The following EPAS1 variants were observed in gnomAD, a reference collection of about 807,000 sequenced individuals.
EPAS1 encodes endothelial PAS domain protein 1.
Under a neutral mutation model 87.9 loss-of-function variants are expected in EPAS1, and 23 were observed. The ratio of observed to expected loss-of-function variants is 0.26; its 90% CI spans 0.19 to 0.37. The LOEUF is 0.37. Ranked by LOEUF, EPAS1 falls within the 10% of genes least tolerant of loss-of-function variation. The pLI, the probability that EPAS1 is intolerant of heterozygous loss-of-function variation, is 1.00. For synonymous variants in EPAS1, 508 were observed against 444.3 expected (o/e 1.14, Z -1.80); for missense variants, 1,138 against 1,120.7 (o/e 1.02, Z -0.22).
In EPAS1 at chr2:46,346,148, C is replaced by T. The variant is rs768080235; in HGVS notation, c.27-725C>T. ...CTTCTAAAAGAGGCAGGCTTCAGTG[C>T]GTGTCATCTTTCGTTCCATCCTGCA... On this transcript the variant is annotated intron_variant, in intron 1 of 15. Coordinates refer to ENST00000263734, the MANE Select transcript of EPAS1 (RefSeq NM_001430.5). This position sits in a 1 kb window ranked among gnomAD's most constrained non-coding sequence, Gnocchi z 4.0. 1.3e-5 allele frequency among the ~76,000 whole-genome samples: 2 copies of T among 152,206 alleles called. No homozygotes were observed. The highest frequency in any genetic ancestry group is 2.4e-5 in the African/African-American group (1 of 41,456).
intron 6 of EPAS1, among the ~76,000 whole-genome samples, chr2:46,363,507 A>G (rs1441202934): frequency 2.0e-5 from 3 of 152,216 alleles, no homozygotes; most frequent in Non-Finnish European, 4.4e-5. Flanking sequence ...CTTGGTTTAA[A>G]TGAGTTTCAG....
intron 1 of EPAS1, among the ~76,000 whole-genome samples, chr2:46,314,730 G>A (rs962348846): frequency 6.6e-6 from 1 of 152,216 alleles, no homozygotes; most frequent in African/African-American, 2.4e-5. Context: ...AAGATGATTG[G>A]TCGGGAGCTG....
At chr2:46,312,512 A>G (rs753987676) in intron 1 of EPAS1, among the ~76,000 whole-genome samples, 52 of 152,194 alleles carry the variant, frequency 3.4e-4, no homozygotes, top group Non-Finnish European at 6.5e-4. Flanking sequence ...ATCTCAATAG[A>G]ACTTTGAAAA....
chr2:46,351,976 C>T (rs182524381), intron 2 of EPAS1, among the ~76,000 whole-genome samples: 105 of 152,346 alleles, frequency 6.9e-4, no homozygotes, highest in Non-Finnish European at 9.7e-4. Flanking sequence ...TCCAAAACCT[C>T]AGCCCGCGCA....
chr2:46,367,918 C>A (rs1684536807), intron 6 of EPAS1, among the ~76,000 whole-genome samples: 1 of 152,062 alleles, frequency 6.6e-6, no homozygotes, highest in South Asian at 2.1e-4. Context: ...TGTGCGCGTG[C>A]ATGTGTGCGC....
rs534167292 is a variant in EPAS1 at position 46,354,742 on chromosome 2, T to C, written c.218-1409T>C. 1.1e-4 allele frequency among the ~76,000 whole-genome samples: 16 copies of C among 152,160 alleles called. No individual in the cohort carries two copies. In the South Asian group the frequency reaches 3.1e-3, roughly 30 times the overall value. ...TGCCAGACTAATCTCCCCAAAGCAG[T>C]GCTTTGAGATGCACTCCTCTGATCA... On this transcript the variant is annotated intron_variant, in intron 2 of 15. Coordinates refer to ENST00000263734, the MANE Select transcript of EPAS1 (RefSeq NM_001430.5).
At position 46,375,880 on chromosome 2, in the gene EPAS1, G is replaced by C. The variant is rs761625926; in HGVS notation, c.1034+43G>C. ...GGCGGGCCTTGGTGCAGGGTATGTG[G>C]GGGTGCCCAAGCTTCCCAGACTCAG... On this transcript the variant is annotated intron_variant, in intron 8 of 15. Transcript: ENST00000263734. This position sits in a 1 kb window ranked among gnomAD's most constrained non-coding sequence, Gnocchi z 4.1. The C allele has an allele frequency of 6.2e-7, 1 of 1,613,552 alleles. No homozygotes were observed. The highest frequency in any genetic ancestry group is 8.5e-7 in the Non-Finnish European group (1 of 1,179,918).
rs1316696402 is a variant in EPAS1, at chr2:46,381,725, G to A, written c.2172+3G>A. 5 of 1,613,626 alleles carry A rather than the reference G, an allele frequency of 3.1e-6. No individual in the cohort carries two copies. In the African/African-American group the frequency reaches 4.0e-5, roughly 13 times the overall value. On this transcript the variant is annotated splice_donor_region_variant and intron_variant, in intron 13 of 15. Coordinates refer to ENST00000263734, the MANE Select transcript of EPAS1 (RefSeq NM_001430.5). ...AAGCCTTCCAGGACCTGAGCGGGGT[G>A]AGTCATCCCCACTGGCCACAGGGGC...
At position 46,368,604 on chromosome 2, in the gene EPAS1, G is replaced by A. The variant is rs1026314505; in HGVS notation, c.780-1223G>A. Among the ~76,000 whole-genome samples the A allele has an allele frequency of 2.6e-5, 4 of 152,258 alleles. No homozygotes were observed. In the South Asian group the frequency reaches 6.2e-4, roughly 24 times the overall value. On this transcript the variant is annotated intron_variant, in intron 6 of 15. Coordinates refer to ENST00000263734, the MANE Select transcript of EPAS1 (RefSeq NM_001430.5). ...GCAAGTTGACCTGTTTGGGGGGTGG[G>A]TTTAGAGCAGAGACAGGAAATGAGG...
intron 1 of EPAS1, among the ~76,000 whole-genome samples, chr2:46,337,703 A>G (rs1683821643): frequency 6.6e-6 from 1 of 152,164 alleles, no homozygotes; most frequent in Non-Finnish European, 1.5e-5. Context: ...TGATGGGTAG[A>G]AGCCCTAAGG....
Position 46,331,391 on chromosome 2 carries a change from G to C in EPAS1, c.27-15482G>C, listed in dbSNP as rs375418933. ...GACCAGATGTGATTTAAATTCCAAG[G>C]AGCCATACTTTTTACAAAAATGCTA... On this transcript the variant is annotated intron_variant, in intron 1 of 15. Transcript: ENST00000263734. 3.7e-4 allele frequency among the ~76,000 whole-genome samples: 56 copies of C among 152,296 alleles called. No individual in the cohort carries two copies. In the East Asian group the frequency reaches 6.6e-3, roughly 18 times the overall value.
At chr2:46,303,745 A>G (rs1683056089) in intron 1 of EPAS1, among the ~76,000 whole-genome samples, 1 of 152,226 alleles carries the variant, frequency 6.6e-6, no homozygotes, top group Non-Finnish European at 1.5e-5. Flanking sequence ...AGGTTCTAGG[A>G]TATGGAAAAG....
intron 10 of EPAS1, 92 bp from the exon 11 acceptor site, chr2:46,378,565 G>C: frequency 9.6e-7 from 1 of 1,040,832 alleles, no homozygotes; most frequent in Non-Finnish European, 1.5e-6. Context: ...TTGAACCTTT[G>C]GGTCCAGGAA....
chr2:46,308,264 A>G (rs368395462), intron 1 of EPAS1, among the ~76,000 whole-genome samples: 6 of 152,252 alleles, frequency 3.9e-5, no homozygotes, highest in African/African-American at 1.4e-4. Flanking sequence ...TCACTAAGGG[A>G]GCGTAGAAAT....
intron 1 of EPAS1, among the ~76,000 whole-genome samples, chr2:46,322,015 C>A (rs1371151657): frequency 6.6e-6 from 1 of 152,050 alleles, no homozygotes; most frequent in African/African-American, 2.4e-5. Context: ...CCTGTATAAT[C>A]CCTACTGATT....
chr2:46,306,180 T>G (rs1683106176), intron 1 of EPAS1, among the ~76,000 whole-genome samples: 1 of 152,228 alleles, frequency 6.6e-6, no homozygotes, highest in African/African-American at 2.4e-5. Context: ...CAGACAGTAT[T>G]TATCTGTCTC....
chr2:46,341,731 C>G (rs565612695), intron 1 of EPAS1, among the ~76,000 whole-genome samples: 1 of 152,300 alleles, frequency 6.6e-6, no homozygotes, highest in East Asian at 1.9e-4. Flanking sequence ...TGATCACAGG[C>G]CTGGAAATCT....
In EPAS1 at chr2:46,382,539, C is replaced by T. The variant is rs1443051369; in HGVS notation, c.2402C>T (p.Pro801Leu). The T allele has an allele frequency of 6.2e-7, 1 of 1,614,056 alleles. No homozygotes were observed. The highest frequency in any genetic ancestry group is 2.2e-5 in the East Asian group (1 of 44,892). ...GAGAACAGCAAGAGCAGGTTCCCCC[C>T]ACAGTGCTACGCCACCCAGTACCAG... is the stretch of plus-strand genomic sequence containing the variant. ...PGENSKSRFPPQCYATQYQDY... is the reference protein window; with the variant it reads ...PGENSKSRFPLQCYATQYQDY... Residue 801 changes from proline (P) to leucine (L), a missense_variant, in exon 15 of 16, where the codon CCA (proline) becomes CTA (leucine). Physicochemically the swap from Pro to Leu is moderately conservative, Grantham distance 98 (BLOSUM62 -3). Around this residue, in one of 4 missense-constraint regions of EPAS1, gnomAD observed 502 missense variants for 427.1 expected, o/e 1.18. Coordinates refer to ENST00000263734, the MANE Select transcript of EPAS1 (RefSeq NM_001430.5).
intron 1 of EPAS1, among the ~76,000 whole-genome samples, chr2:46,323,145 G>A (rs1683484019): frequency 6.6e-6 from 1 of 152,174 alleles, no homozygotes; most frequent in Non-Finnish European, 1.5e-5. Flanking sequence ...TCAGCACACA[G>A]GCAACACAGG....
Sources: allele counts gnomAD v4.1 joint callset (sites outside exome capture counted in the v4.1 genomes callset), GRCh38; gene constraint gnomAD v4.1.1; regional missense constraint gnomAD v4.1.1; non-coding constraint Gnocchi (gnomAD v3.1); transcripts MANE v1.5; gene names NCBI Gene and HGNC (gene_info 2026-07-23, HGNC 2026-07-21).